SLC18A1: variants seen among roughly 807,000 people sequenced by gnomAD.
The protein encoded by SLC18A1 is solute carrier family 18 member A1, also known as chromaffin granule amine transporter.
SLC18A1 carries 69 observed loss-of-function variants against 53.7 expected under a neutral mutation model. That is an observed-to-expected ratio of 1.28 (90% CI 1.06 to 1.57). The LOEUF is 1.57. SLC18A1 is among the 40% of genes most tolerant of loss of function. SLC18A1 has a pLI of 0.00. For missense variants in SLC18A1, 932 were observed against 668.1 expected, an observed-to-expected ratio of 1.40 and a Z score of -4.35; for synonymous variants, 320 against 248.1, an observed-to-expected ratio of 1.29 and a Z score of -2.72.
At chr8:20,168,356 G>C (rs774247998) in intron 8 of SLC18A1, among the ~76,000 whole-genome samples, 1 of 151,704 alleles carries the variant, frequency 6.6e-6, no homozygotes, top group Non-Finnish European at 1.5e-5. Context: ...CACAGAAAGA[G>C]GCCCTGTCTC....
chr8:20,164,624 A>T (rs1197683037), intron 10 of SLC18A1, among the ~76,000 whole-genome samples: 2 of 152,180 alleles, frequency 1.3e-5, no homozygotes, highest in Non-Finnish European at 1.5e-5. Context: ...GGAAATCATT[A>T]ATCATCCTAC....
chr8:20,166,184 A>C (rs1350258046), intron 8 of SLC18A1, among the ~76,000 whole-genome samples: 1 of 151,314 alleles, frequency 6.6e-6, no homozygotes, highest in Non-Finnish European at 1.5e-5. Flanking sequence ...AGCACTATTT[A>C]TAACTATAAA....
At chr8:20,176,661 T>C (rs1213332314) in intron 4 of SLC18A1, among the ~76,000 whole-genome samples, 1 of 152,158 alleles carries the variant, frequency 6.6e-6, no homozygotes, top group Non-Finnish European at 1.5e-5. Flanking sequence ...TTTTAAGTAT[T>C]TTTTAGAACA....
chr8:20,175,073 T>A (rs2128878885), intron 4 of SLC18A1, among the ~76,000 whole-genome samples: 1 of 152,320 alleles, frequency 6.6e-6, no homozygotes, highest in Middle Eastern at 3.4e-3. Flanking sequence ...CTAGTTATTG[T>A]CCGTGAAGAG....
chr8:20,153,055 C>G (rs959588051), intron 10 of SLC18A1, among the ~76,000 whole-genome samples: 1 of 151,634 alleles, frequency 6.6e-6, no homozygotes, highest in South Asian at 2.1e-4. Context: ...GGTGAAGGGA[C>G]GGGAGTGCAT....
Position 20,181,078 on chromosome 8 carries a change from A to G in SLC18A1, c.-114T>C. On this transcript the variant is annotated 5_prime_UTR_variant, in exon 2 of 16. Transcript: ENST00000276373. The stretch of plus-strand genomic sequence containing the variant: ...GAGGGGAGGGAGTCTGCCCAGACGA[A>G]GGAAACTCACTATTAAAACGAAAAG... 2 of 1,336,228 alleles carry G rather than the reference A, an allele frequency of 1.5e-6. No individual in the cohort carries two copies. Among genetic ancestry groups the G allele is most frequent in the Non-Finnish European group, 2.0e-6 (2 of 1,003,194 alleles). The allele number at this position is 1,336,228 out of a possible 1,614,324, so 82.8% of individuals were successfully genotyped here.
chr8:20,171,494 A>C lies in SLC18A1; in HGVS notation c.725T>G (p.Val242Gly). 6.2e-7 allele frequency: 1 copy of C among 1,612,552 alleles called. No homozygotes were observed. The highest frequency in any genetic ancestry group is 8.5e-7 in the Non-Finnish European group (1 of 1,178,596). The change falls in exon 7 of 16, where the codon GTG becomes GGG. Residue 242 changes from valine to glycine, a missense_variant and splice_region_variant. By Grantham distance (109) the Val-to-Gly change is moderately radical. Transcript: ENST00000276373. Reference sequence around the variant, plus strand: ...CATTACACTTCCAAAGGGAGCTCCCACTGGAGAGGCATAGGAGACACAGAT... The same window carrying C: ...CATTACACTTCCAAAGGGAGCTCCCCCTGGAGAGGCATAGGAGACACAGAT... ...ALGGLALGLLVGAPFGSVMYE... is the reference protein window; with the variant it reads ...ALGGLALGLLGGAPFGSVMYE...
At chr8:20,169,056 A>G in intron 8 of SLC18A1, among the ~76,000 whole-genome samples, 1 of 152,198 alleles carries the variant, frequency 6.6e-6, no homozygotes, top group East Asian at 1.9e-4. Context: ...TAATTACTAC[A>G]CAAGAGACCC....
intron 10 of SLC18A1, among the ~76,000 whole-genome samples, chr8:20,159,755 T>C (rs758649939): frequency 6.6e-6 from 1 of 151,788 alleles, no homozygotes; most frequent in Non-Finnish European, 1.5e-5. Context: ...AACAAAATAG[T>C]GCATATCAAA....
chr8:20,150,321 A>G (rs1038019124), intron 11 of SLC18A1, among the ~76,000 whole-genome samples: 4 of 152,172 alleles, frequency 2.6e-5, no homozygotes, highest in Middle Eastern at 6.3e-3. Flanking sequence ...TCCACAGAAC[A>G]TAATTTGAAA....
chr8:20,180,354 T>A (rs537476891), intron 2 of SLC18A1, among the ~76,000 whole-genome samples: 85 of 152,282 alleles, frequency 5.6e-4, no homozygotes, highest in Non-Finnish European at 1.0e-3. Context: ...CTTAATGTAA[T>A]GATTAGGAGA....
At chr8:20,182,230 A>C (rs1207150230) in intron 1 of SLC18A1, among the ~76,000 whole-genome samples, 1 of 152,216 alleles carries the variant, frequency 6.6e-6, no homozygotes, top group Non-Finnish European at 1.5e-5. Context: ...AAAAGAAAAA[A>C]GGTCAGAGAT....
In SLC18A1 at chr8:20,178,507, GA is replaced by G. The variant is rs71532226; in HGVS notation, c.489-15del. On this transcript the variant is annotated splice_polypyrimidine_tract_variant and intron_variant, in intron 3 of 15. Coordinates refer to ENST00000276373, the MANE Select transcript of SLC18A1 (RefSeq NM_003053.4). ...TGATATCCAATCCTAAAAGGGAATTGAAAAAAAAAAAGATACAATTCCAACA... is the reference window on the plus strand; with the variant it reads ...TGATATCCAATCCTAAAAGGGAATTGAAAAAAAAAAGATACAATTCCAACA... 4.5e-3 allele frequency: 6,243 copies of G among 1,389,356 alleles called. No individual in the cohort carries two copies. Among genetic ancestry groups the G allele is most frequent in the Admixed American group, 0.013 (574 of 45,906 alleles). 86.1% of individuals were successfully genotyped at this position (1,389,356 alleles called of 1,614,324 possible). A position where few individuals can be genotyped will look rare whatever the true frequency, so the allele number is the denominator to read the frequency against.
intron 8 of SLC18A1, 59 bp downstream of exon 8, chr8:20,171,044 G>T: frequency 6.5e-7 from 1 of 1,535,236 alleles, no homozygotes; most frequent in Non-Finnish European, 9.0e-7. Flanking sequence ...GGCATGCCTG[G>T]GTTCCTGCAT....
intron 1 of SLC18A1, among the ~76,000 whole-genome samples, chr8:20,182,652 G>C (rs2072458629): frequency 6.6e-6 from 1 of 152,198 alleles, no homozygotes; most frequent in African/African-American, 2.4e-5. Flanking sequence ...CAAACACTGA[G>C]GTACTCTGTT....
chr8:20,152,802 T>C (rs117085608), intron 10 of SLC18A1, among the ~76,000 whole-genome samples: 27 of 152,092 alleles, frequency 1.8e-4, no homozygotes, highest in Non-Finnish European at 3.5e-4. Flanking sequence ...GCACAGGAGA[T>C]GAGGAGTAGC....
chr8:20,156,472 C>A (rs944973080), intron 10 of SLC18A1, among the ~76,000 whole-genome samples: 1 of 152,128 alleles, frequency 6.6e-6, no homozygotes, highest in African/African-American at 2.4e-5. Context: ...TGGTTCCTCC[C>A]GGGTGACTGA....
rs1246463412 is a variant in SLC18A1, at chr8:20,145,855, G to C, written c.1486C>G (p.Pro496Ala). 1.9e-6 allele frequency: 3 copies of C among 1,609,602 alleles called. No individual in the cohort carries two copies. Among genetic ancestry groups the C allele is most frequent in the Admixed American group, 1.7e-5 (1 of 59,428 alleles). Reference protein sequence around the residue: ...EKLAILSQDCPMETRMYATQK... With the variant: ...EKLAILSQDCAMETRMYATQK... ...GTTGCATACATCCGGGTCTCCATGG[G>C]GCAGTCCTGACTCAGAATAGCCTGC... The change falls in exon 16 of 16, where the codon CCC becomes GCC. Residue 496 changes from proline to alanine, a missense_variant. By Grantham distance (27) the Pro-to-Ala change is conservative. Transcript: ENST00000276373.
intron 6 of SLC18A1, among the ~76,000 whole-genome samples, chr8:20,172,686 G>A (rs1434700334): frequency 6.6e-6 from 1 of 152,074 alleles, no homozygotes; most frequent in Non-Finnish European, 1.5e-5. Context: ...TTTCATTCCT[G>A]GTGGTGAGGA....
Sources: gnomAD v4.1 joint callset for allele counts (sites outside exome capture counted in the v4.1 genomes callset) on GRCh38, gnomAD v4.1.1 for gene constraint, MANE v1.5 for transcripts, NCBI Gene and HGNC (gene_info 2026-07-23, HGNC 2026-07-21) for gene names.